The following TAF1A variants were observed in gnomAD, a reference collection of about 807,000 sequenced individuals.
TAF1A encodes the protein TATA-box binding protein associated factor, RNA polymerase I subunit A.
Under a neutral mutation model 61.6 loss-of-function variants are expected in TAF1A, and 42 were observed. That is an observed-to-expected ratio of 0.68 (90% CI 0.53 to 0.88). The LOEUF is 0.88. Among genes scored for constraint, TAF1A ranks in the 40% least tolerant of loss-of-function variants. The probability of loss-of-function intolerance (pLI) is 0.00; values close to 1 mark genes in which losing one functional copy is unlikely to be tolerated. For synonymous variants in TAF1A, 179 were observed against 177.7 expected, an observed-to-expected ratio of 1.01 and a Z score of -0.06; for missense variants, 424 against 518.7, an observed-to-expected ratio of 0.82 and a Z score of 1.77.
chr1:222,570,451 C>G (rs1660303848), intron 6 of TAF1A, 84 bp downstream of exon 6: 1 of 1,309,108 alleles, frequency 7.6e-7, no homozygotes, highest in Admixed American at 2.4e-5. Context: ...TAGTTTCTTT[C>G]TGATCAATAA....
chr1:222,563,348 G>C lies in TAF1A; in HGVS notation c.962-52C>G, dbSNP rs762927449. The C allele has an allele frequency of 6.3e-6, 10 of 1,575,650 alleles. 1 individual carries two copies. The South Asian group carries it at 1.1e-4, about 17-fold the overall frequency. ...TACATAAGGTATTAAAGTGTACAAA[G>C]CTAAAATTTACATGTATACATTTTA... On this transcript the variant is annotated intron_variant, in intron 8 of 10. Coordinates refer to ENST00000352967, the MANE Select transcript of TAF1A (RefSeq NM_005681.4).
At chr1:222,557,536 C>A (rs567534862), downstream of TAF1A, among the ~76,000 whole-genome samples, 1 of 152,258 alleles carries the variant, frequency 6.6e-6, no homozygotes, top group East Asian at 1.9e-4. Flanking sequence ...CTGCAGCCTC[C>A]GCTTCCCAGT....
chr1:222,566,536 T>A (rs1660124164), intron 7 of TAF1A, among the ~76,000 whole-genome samples: 1 of 152,178 alleles, frequency 6.6e-6, no homozygotes, highest in Non-Finnish European at 1.5e-5. Context: ...CTGGGGGTGA[T>A]GGGAGACAGT....
chr1:222,586,275 A>G (rs1164536739), intron 2 of TAF1A, among the ~76,000 whole-genome samples: 2 of 152,228 alleles, frequency 1.3e-5, no homozygotes, highest in Non-Finnish European at 2.9e-5. Context: ...CAGCTAGCCT[A>G]GGAAACTGAC....
chr1:222,557,452 C>T (rs1296882785), downstream of TAF1A, among the ~76,000 whole-genome samples: 1 of 151,988 alleles, frequency 6.6e-6, no homozygotes, highest in Non-Finnish European at 1.5e-5. Flanking sequence ...AGAGGGGATG[C>T]GTGAGTTCTT....
chr1:222,561,641 A>T (rs1277254878), intron 9 of TAF1A, 123 bp from the exon 10 acceptor site: 3 of 977,714 alleles, frequency 3.1e-6, no homozygotes, highest in Non-Finnish European at 4.4e-6. Context: ...CTAAATTCTC[A>T]ATATGGCCAA....
intron 3 of TAF1A, among the ~76,000 whole-genome samples, chr1:222,583,837 CAAAAA>C (rs200580139): frequency 2.2e-5 from 2 of 90,062 alleles, no homozygotes; most frequent in African/African-American, 8.1e-5. Context: ...GACTCCGTCT[CAAAAA>C]AAAAAAAAAA....
chr1:222,569,733 A>AGCTATACGAAAAAAT, intron 6 of TAF1A, 65 bp from the exon 7 acceptor site: 2 of 1,422,978 alleles, frequency 1.4e-6, no homozygotes. Flanking sequence ...AAAATAATAC[A>AGCTATACGAAAAAAT]CAGCATAAGT....
intron 9 of TAF1A, 97 bp from the exon 10 acceptor site, chr1:222,561,615 G>A (rs966668378): frequency 5.5e-5 from 68 of 1,231,354 alleles, no homozygotes; most frequent in Non-Finnish European, 7.2e-5. Context: ...AAGATGACAA[G>A]GAAGATGCTT....
At chr1:222,578,516 A>G (rs577935031) in intron 4 of TAF1A, among the ~76,000 whole-genome samples, 5 of 152,342 alleles carry the variant, frequency 3.3e-5, no homozygotes, top group Admixed American at 2.0e-4. Context: ...TAGAGTAACT[A>G]AATTATTGGA....
At chr1:222,564,389 T>C (rs557785612) in intron 7 of TAF1A, among the ~76,000 whole-genome samples, 1 of 150,298 alleles carries the variant, frequency 6.7e-6, no homozygotes, top group Non-Finnish European at 1.5e-5. Flanking sequence ...CAGGGACTTT[T>C]TATTTGCTCC....
chr1:222,563,313 A>C lies in TAF1A; in HGVS notation c.962-17T>G, dbSNP rs1490097615. 1 of 1,608,446 alleles carries C rather than the reference A, an allele frequency of 6.2e-7. No individual in the cohort carries two copies. Among genetic ancestry groups the C allele is most frequent in the African/African-American group, 1.3e-5 (1 of 74,612 alleles). The stretch of plus-strand genomic sequence containing the variant: ...CTTCTTTTTCTGCAATGGTTTTAAC[A>C]GTTCAAGTTTACATAAGGTATTAAA... On this transcript the variant is annotated splice_polypyrimidine_tract_variant and intron_variant, in intron 8 of 10. Transcript: ENST00000352967.
Position 222,563,237 on chromosome 1 carries a change from C to T in TAF1A, c.1021G>A (p.Gly341Arg), listed in dbSNP as rs765321518. Residue 341 changes from glycine to arginine, a missense_variant, in exon 9 of 11, where the codon GGA becomes AGA. Coordinates refer to ENST00000352967, the MANE Select transcript of TAF1A (RefSeq NM_005681.4). ...EVLFGVLDFA[G>R]CTKNITAWKY... is the part of the protein sequence containing the mutation. The stretch of plus-strand genomic sequence containing the variant: ...CAAGCAGTTATATTCTTAGTGCATC[C>T]GGCAAAATCTAAGACTCCAAATAAT... 2.2e-5 allele frequency: 36 copies of T among 1,612,710 alleles called. No homozygotes were observed. The highest frequency in any genetic ancestry group is 4.5e-5 in the East Asian group (2 of 44,780).
At chr1:222,578,655 C>T (rs1401382542) in intron 4 of TAF1A, among the ~76,000 whole-genome samples, 2 of 152,128 alleles carry the variant, frequency 1.3e-5, no homozygotes, top group Non-Finnish European at 2.9e-5. Flanking sequence ...TCCTGATTCC[C>T]CTACCCATTA....
At chr1:222,587,462 C>A (rs1327284607) in intron 2 of TAF1A, among the ~76,000 whole-genome samples, 8 of 151,906 alleles carry the variant, frequency 5.3e-5, no homozygotes, top group Non-Finnish European at 1.2e-4. Flanking sequence ...AAAATGGAAG[C>A]GAAATTTTAG....
In TAF1A at chr1:222,559,901, G is replaced by C. The variant is rs549070453; in HGVS notation, c.1241-1129C>G. Among the ~76,000 whole-genome samples, 4 of 152,224 alleles carry C rather than the reference G, an allele frequency of 2.6e-5. No individual in the cohort carries two copies. The South Asian group carries it at 8.3e-4, about 32-fold the overall frequency. ...TTTCTAAACATATCATACTACCTTA[G>C]TAAAAAACAAAATACTTTGCACACA... On this transcript the variant is annotated intron_variant, in intron 10 of 10. Coordinates refer to ENST00000352967, the MANE Select transcript of TAF1A (RefSeq NM_005681.4).
At chr1:222,584,865 A>T (rs1660949507) in intron 2 of TAF1A, among the ~76,000 whole-genome samples, 1 of 152,254 alleles carries the variant, frequency 6.6e-6, no homozygotes, top group Non-Finnish European at 1.5e-5. Flanking sequence ...TATATGAATG[A>T]CTAGTTACAT....
chr1:222,566,761 C>T (rs990633736), intron 7 of TAF1A, among the ~76,000 whole-genome samples: 3 of 152,098 alleles, frequency 2.0e-5, no homozygotes, highest in Admixed American at 1.3e-4. Context: ...GTCCATGACC[C>T]AGGGGTTGGG....
At chr1:222,556,321 G>A (rs555535157), downstream of TAF1A, among the ~76,000 whole-genome samples, 1 of 152,228 alleles carries the variant, frequency 6.6e-6, no homozygotes, top group East Asian at 1.9e-4. Flanking sequence ...GCAGACCTGG[G>A]TTCTTTTTGC....
Sources: gnomAD v4.1 joint callset for allele counts (sites outside exome capture counted in the v4.1 genomes callset) on GRCh38, gnomAD v4.1.1 for gene constraint, MANE v1.5 for transcripts, NCBI Gene and HGNC (gene_info 2026-07-23, HGNC 2026-07-21) for gene names.